PRRX1: variants seen among roughly 807,000 people sequenced by gnomAD.
PRRX1 encodes the protein paired related homeobox 1.
In PRRX1, 8 loss-of-function variants were observed where a neutral mutation model predicts 24.0. The observed-to-expected ratio is 0.33, with a 90% CI of 0.20 to 0.60. The LOEUF (loss-of-function observed/expected upper bound fraction) is 0.60, where lower values mean the gene tolerates loss of function less well. PRRX1 is among the 20% of genes least tolerant of loss of function. The pLI, the probability that PRRX1 is intolerant of heterozygous loss-of-function variation, is 0.82. For missense variants in PRRX1, 281 were observed against 322.4 expected (o/e 0.87, Z 0.98); for synonymous variants, 160 against 131.7 (o/e 1.22, Z -1.47).
At chr1:170,689,874 CTGTGGGTG>C (rs1653877955) in intron 1 of PRRX1, among the ~76,000 whole-genome samples, 1 of 136,878 alleles carries the variant, frequency 7.3e-6, no homozygotes, top group Non-Finnish European at 1.6e-5. Context: ...CTCTCTCTCT[CTGTGGGTG>C]TGTGTGTGTG....
chr1:170,695,339 G>T (rs1654132757), intron 1 of PRRX1, among the ~76,000 whole-genome samples: 1 of 152,126 alleles, frequency 6.6e-6, no homozygotes, highest in Admixed American at 6.6e-5. Context: ...GCTGCATTAT[G>T]GTTGTAGACA....
chr1:170,679,300 T>C (rs1653424713), intron 1 of PRRX1, among the ~76,000 whole-genome samples: 2 of 152,232 alleles, frequency 1.3e-5, no homozygotes, highest in African/African-American at 2.4e-5. Context: ...ATTAGGCATC[T>C]GGCATTTTGT....
intron 2 of PRRX1, among the ~76,000 whole-genome samples, chr1:170,720,269 C>A (rs887650902): frequency 2.6e-5 from 4 of 152,024 alleles, no homozygotes; most frequent in African/African-American, 4.8e-5. Flanking sequence ...CAGAGTGAGA[C>A]CCTGACTCAA....
chr1:170,726,271 C>A lies in PRRX1; in HGVS notation c.469C>A (p.Leu157Ile). 2 of 1,613,096 alleles carry A rather than the reference C, an allele frequency of 1.2e-6. No homozygotes were observed. Among genetic ancestry groups the A allele is most frequent in the Non-Finnish European group, 1.7e-6 (2 of 1,179,864 alleles). ...AKFRRNERAM[L>I]ANKNASLLKS... ...GTTCCGCAGGAATGAGAGAGCCATG[C>A]TAGCCAATAAAAACGCTTCCCTCCT... The change falls in exon 3 of 4, where the codon CTA becomes ATA. Residue 157 changes from leucine to isoleucine, a missense_variant. Leu to Ile is a conservative substitution (Grantham distance 5). Coordinates refer to ENST00000239461, the MANE Select transcript of PRRX1 (RefSeq NM_022716.4).
At chr1:170,673,913 C>T (rs1309210112) in intron 1 of PRRX1, among the ~76,000 whole-genome samples, 1 of 152,164 alleles carries the variant, frequency 6.6e-6, no homozygotes, top group Non-Finnish European at 1.5e-5. Context: ...ACCCTCCTAG[C>T]CTGTGGAAAC....
intron 1 of PRRX1, among the ~76,000 whole-genome samples, chr1:170,678,906 A>G (rs1252482151): frequency 1.3e-5 from 2 of 152,348 alleles, no homozygotes; most frequent in Non-Finnish European, 2.9e-5. Context: ...CTCAAAATGC[A>G]GATTCCAGGG....
At chr1:170,695,686 C>T (rs548055492) in intron 1 of PRRX1, among the ~76,000 whole-genome samples, 1 of 152,254 alleles carries the variant, frequency 6.6e-6, no homozygotes, top group South Asian at 2.1e-4. Context: ...AACACTTCTC[C>T]AGTCAACAAC....
chr1:170,690,396 T>C (rs1301406645), intron 1 of PRRX1, among the ~76,000 whole-genome samples: 2 of 152,076 alleles, frequency 1.3e-5, no homozygotes, highest in African/African-American at 2.4e-5. Flanking sequence ...ATAAGCTGAA[T>C]AGTGGCAGAT....
chr1:170,728,457 T>G (rs1316070444), intron 3 of PRRX1: 1 of 152,244 alleles, frequency 6.6e-6, no homozygotes, highest in Non-Finnish European at 1.5e-5. Context: ...TAGAGTTCAA[T>G]GTTTTATATA....
At chr1:170,726,536 A>G in intron 3 of PRRX1, 135 bp downstream of exon 3, 1 of 1,097,312 alleles carries the variant, frequency 9.1e-7, no homozygotes, top group Non-Finnish European at 1.3e-6. Context: ...ACTTGCTGAC[A>G]TCCCCACATT....
chr1:170,664,086 T>TA, upstream of PRRX1: 13 of 840,646 alleles, frequency 1.5e-5, no homozygotes, highest in Non-Finnish European at 2.3e-5. Flanking sequence ...TCCCTCTTCC[T>TA]CCCTCTCTCT....
intron 1 of PRRX1, among the ~76,000 whole-genome samples, chr1:170,687,005 T>A (rs1278976606): frequency 6.6e-6 from 1 of 151,962 alleles, no homozygotes; most frequent in Non-Finnish European, 1.5e-5. Context: ...TCTTACTAAT[T>A]AAGCATCCTC....
intron 2 of PRRX1, among the ~76,000 whole-genome samples, chr1:170,725,305 A>G (rs1655222383): frequency 6.6e-6 from 1 of 152,208 alleles, no homozygotes; most frequent in Admixed American, 6.5e-5. Flanking sequence ...AATAAAAATA[A>G]ATAAAATTAA....
chr1:170,696,136 G>C (rs1022268697), intron 1 of PRRX1, among the ~76,000 whole-genome samples: 1 of 152,150 alleles, frequency 6.6e-6, no homozygotes, highest in Non-Finnish European at 1.5e-5. Flanking sequence ...AGGTAGGCAG[G>C]AGCAAAGGAG....
chr1:170,713,027 T>C (rs1254627565), intron 1 of PRRX1, among the ~76,000 whole-genome samples: 1 of 152,210 alleles, frequency 6.6e-6, no homozygotes, highest in African/African-American at 2.4e-5. Flanking sequence ...GAGAGGGTAC[T>C]CTGTTCAATA....
intron 3 of PRRX1, among the ~76,000 whole-genome samples, chr1:170,733,848 C>A (rs375826915): frequency 1.3e-5 from 2 of 152,012 alleles, no homozygotes; most frequent in African/African-American, 4.8e-5. Flanking sequence ...ATGGTAAGGT[C>A]TTGAATGGAA....
At chr1:170,664,555 A>T in intron 1 of PRRX1, 96 bp downstream of exon 1, 4 of 1,489,702 alleles carry the variant, frequency 2.7e-6, no homozygotes, top group Non-Finnish European at 3.6e-6. Flanking sequence ...CCAGAAAGAC[A>T]AGGTCCTGGG....
chr1:170,698,042 G>A (rs1315424223), intron 1 of PRRX1, among the ~76,000 whole-genome samples: 1 of 151,698 alleles, frequency 6.6e-6, no homozygotes, highest in Non-Finnish European at 1.5e-5. Context: ...TAAACACTAT[G>A]AGCCAAATCT....
At chr1:170,686,731 A>C (rs1288578444) in intron 1 of PRRX1, among the ~76,000 whole-genome samples, 1 of 152,160 alleles carries the variant, frequency 6.6e-6, no homozygotes, top group African/African-American at 2.4e-5. Flanking sequence ...ATTCTTTTAA[A>C]ATCTATAGTT....
Sources: allele counts gnomAD v4.1 joint callset (sites outside exome capture counted in the v4.1 genomes callset), GRCh38; gene constraint gnomAD v4.1.1; transcripts MANE v1.5; gene names NCBI Gene and HGNC (gene_info 2026-07-23, HGNC 2026-07-21).